The following GATAD2B variants were observed in gnomAD, a reference collection of about 807,000 sequenced individuals.
The protein encoded by GATAD2B is GATA zinc finger domain containing 2B, also known as transcriptional repressor p66-beta.
A neutral mutation model predicts 64.3 loss-of-function variants in GATAD2B; 8 were observed. That is an observed-to-expected ratio of 0.12 (90% CI 0.07 to 0.22). GATAD2B has a LOEUF of 0.22. Ranked by LOEUF, GATAD2B falls within the 10% of genes least tolerant of loss-of-function variation. The pLI, the probability that GATAD2B is intolerant of heterozygous loss-of-function variation, is 1.00. For missense variants in GATAD2B, 453 were observed against 752.0 expected (o/e 0.60, Z 4.65); for synonymous variants, 281 against 271.3 (o/e 1.04, Z -0.35).
At chr1:153,869,171 A>T (rs1676579538) in intron 1 of GATAD2B, among the ~76,000 whole-genome samples, 1 of 151,894 alleles carries the variant, frequency 6.6e-6, no homozygotes, top group Non-Finnish European at 1.5e-5. Context: ...GGGTGCCTGT[A>T]GTCCCAGCTA....
intron 1 of GATAD2B, among the ~76,000 whole-genome samples, chr1:153,922,518 G>A (rs1330150126): frequency 2.7e-5 from 4 of 148,188 alleles, no homozygotes; most frequent in Non-Finnish European, 6.0e-5. Flanking sequence ...AGCGCGAGGC[G>A]GGGGCGCGCC....
intron 1 of GATAD2B, among the ~76,000 whole-genome samples, chr1:153,881,309 G>A (rs1677003618): frequency 1.3e-5 from 2 of 152,040 alleles, no homozygotes; most frequent in African/African-American, 4.8e-5. Flanking sequence ...CACTGCTACA[G>A]ACAAAAGAAA....
intron 1 of GATAD2B, among the ~76,000 whole-genome samples, chr1:153,830,881 A>G (rs887595739): frequency 3.3e-5 from 5 of 151,994 alleles, no homozygotes; most frequent in Non-Finnish European, 5.9e-5. Flanking sequence ...GGCTCCAACA[A>G]TCCTCCACAC....
intron 1 of GATAD2B, among the ~76,000 whole-genome samples, chr1:153,846,913 C>T (rs1411765422): frequency 6.6e-6 from 1 of 151,974 alleles, no homozygotes; most frequent in Non-Finnish European, 1.5e-5. Flanking sequence ...TCAGTCCTAT[C>T]TCATTTTTAG....
chr1:153,828,705 G>A (rs959154312), intron 1 of GATAD2B, among the ~76,000 whole-genome samples: 8 of 151,364 alleles, frequency 5.3e-5, no homozygotes, highest in Non-Finnish European at 1.2e-4. Context: ...TACATGTGCA[G>A]GTTTGTTATA....
At chr1:153,865,980 G>C (rs369214609) in intron 1 of GATAD2B, among the ~76,000 whole-genome samples, 2 of 152,062 alleles carry the variant, frequency 1.3e-5, no homozygotes, top group South Asian at 2.1e-4. Flanking sequence ...TGAGGCGGAC[G>C]GATCATCTGA....
intron 1 of GATAD2B, among the ~76,000 whole-genome samples, chr1:153,828,947 G>C (rs958896968): frequency 2.4e-4 from 37 of 152,062 alleles, no homozygotes; most frequent in African/African-American, 8.7e-4. Context: ...GGCTCAACTT[G>C]TATTGTCAGC....
intron 1 of GATAD2B, among the ~76,000 whole-genome samples, 200 bp from the exon 2 acceptor site, chr1:153,828,548 T>C (rs1425873242): frequency 6.6e-6 from 1 of 152,042 alleles, no homozygotes; most frequent in Non-Finnish European, 1.5e-5. Flanking sequence ...AACATTTATA[T>C]TAAAGGAGAT....
intron 1 of GATAD2B, among the ~76,000 whole-genome samples, chr1:153,894,025 C>T (rs2101952936): frequency 7.2e-6 from 1 of 139,582 alleles, no homozygotes; most frequent in Middle Eastern, 4.3e-3. Flanking sequence ...CTATATTAAA[C>T]ACCACCAACA....
chr1:153,922,773 A>T lies in GATAD2B; in HGVS notation c.-42T>A, dbSNP rs1254786671. ...TAACTCCCGGCTAGCTCGCCTCCTC[A>T]GGCGGCGGCGGAGGCGTCGAAAAAG... On this transcript the variant is annotated 5_prime_UTR_variant, in exon 1 of 11. Transcript: ENST00000368655. The T allele has an allele frequency of 6.8e-6, 1 of 147,154 alleles. No homozygotes were observed. Among genetic ancestry groups the T allele is most frequent in the Non-Finnish European group, 1.5e-5 (1 of 67,652 alleles). The allele number at this position is 147,154 out of a possible 1,614,324, so 9.1% of individuals were successfully genotyped here.
chr1:153,913,294 A>C (rs905744801), intron 1 of GATAD2B, among the ~76,000 whole-genome samples: 19 of 152,312 alleles, frequency 1.2e-4, no homozygotes, highest in Admixed American at 9.8e-4. Context: ...AGGACTGGAA[A>C]AAAAATAATC....
intron 10 of GATAD2B, chr1:153,811,497 T>C (rs1288688699): frequency 1.7e-6 from 1 of 572,276 alleles, no homozygotes; most frequent in African/African-American, 1.9e-5. Flanking sequence ...ATATTAAAAG[T>C]TAAATTGATA....
At chr1:153,898,571 C>CA (rs199534571) in intron 1 of GATAD2B, among the ~76,000 whole-genome samples, 18 of 147,802 alleles carry the variant, frequency 1.2e-4, no homozygotes, top group East Asian at 1.2e-3. Context: ...ACTAAACATA[C>CA]AAAAAAAAAA....
intron 1 of GATAD2B, among the ~76,000 whole-genome samples, chr1:153,921,433 C>G (rs1436822078): frequency 6.6e-6 from 1 of 152,222 alleles, no homozygotes; most frequent in South Asian, 2.1e-4. Flanking sequence ...TTCTCCAACA[C>G]AGATCTGTTA....
chr1:153,908,854 T>A (rs1214044974), intron 1 of GATAD2B, among the ~76,000 whole-genome samples: 1 of 149,460 alleles, frequency 6.7e-6, no homozygotes, highest in Non-Finnish European at 1.5e-5. Context: ...TGGAACACAG[T>A]GGTGCAATCC....
chr1:153,818,667 C>A (rs1674569468), intron 4 of GATAD2B, 124 bp downstream of exon 4: 9 of 841,444 alleles, frequency 1.1e-5, no homozygotes, highest in Non-Finnish European at 1.7e-5. Context: ...ACTACTACTA[C>A]AGACTAAAAA....
rs1033704417 is a variant in GATAD2B at position 153,809,894 on chromosome 1, C to G, written c.*283G>C. ...CTTAGATTCTCCCCAGGACCTCATT[C>G]TGACCTCTATCAGAGGTAAAGATCC... On this transcript the variant is annotated 3_prime_UTR_variant, in exon 11 of 11. Coordinates refer to ENST00000368655, the MANE Select transcript of GATAD2B (RefSeq NM_020699.4). The G allele has an allele frequency of 1.3e-5, 4 of 317,566 alleles. No individual in the cohort carries two copies. Among genetic ancestry groups the G allele is most frequent in the South Asian group, 5.5e-5 (1 of 18,166 alleles). The allele number at this position is 317,566 out of a possible 1,614,324, so 19.7% of individuals were successfully genotyped here. A position where few individuals can be genotyped will look rare whatever the true frequency, so the allele number is the denominator to read the frequency against.
At chr1:153,832,407 T>C (rs905354448) in intron 1 of GATAD2B, among the ~76,000 whole-genome samples, 3 of 152,152 alleles carry the variant, frequency 2.0e-5, no homozygotes, top group Non-Finnish European at 2.9e-5. Flanking sequence ...TAATTCAGAA[T>C]CAGGCCCTAA....
intron 1 of GATAD2B, among the ~76,000 whole-genome samples, chr1:153,876,008 C>CT (rs752499618): frequency 7.2e-5 from 11 of 151,882 alleles, no homozygotes; most frequent in Non-Finnish European, 1.3e-4. Context: ...GCAGGCGGAT[C>CT]ATGAGGTCAG....
Sources: gnomAD v4.1 joint callset for allele counts (sites outside exome capture counted in the v4.1 genomes callset) on GRCh38, gnomAD v4.1.1 for gene constraint, MANE v1.5 for transcripts, NCBI Gene and HGNC (gene_info 2026-07-23, HGNC 2026-07-21) for gene names.